PTPRG: variants seen among roughly 807,000 people sequenced by gnomAD.
The protein encoded by PTPRG is protein tyrosine phosphatase receptor type G.
PTPRG carries 102 observed loss-of-function variants against 165.3 expected under a neutral mutation model. That is an observed-to-expected ratio of 0.62 (90% CI 0.53 to 0.73). The LOEUF (loss-of-function observed/expected upper bound fraction) is 0.73. PTPRG is among the 30% of genes least tolerant of loss of function. PTPRG has a pLI of 0.00. For synonymous variants in PTPRG, 675 were observed against 669.5 expected (o/e 1.01, Z -0.13); for missense variants, 1,866 against 1,861.4 (o/e 1.00, Z -0.05).
At chr3:61,928,071 T>C (rs1326929922) in intron 2 of PTPRG, among the ~76,000 whole-genome samples, 1 of 152,176 alleles carries the variant, frequency 6.6e-6, no homozygotes, top group Non-Finnish European at 1.5e-5. Context: ...AGCCTGATGA[T>C]GGATTATGCA....
At chr3:62,114,621 C>T (rs1345058740) in intron 5 of PTPRG, among the ~76,000 whole-genome samples, 1 of 152,196 alleles carries the variant, frequency 6.6e-6, no homozygotes, top group Non-Finnish European at 1.5e-5. Flanking sequence ...AACCTCTAAA[C>T]ATACCAAGAT....
In PTPRG at chr3:62,016,356, C is replaced by A. The variant is rs143727615; in HGVS notation, c.519+12859C>A. Among the ~76,000 whole-genome samples the A allele has an allele frequency of 7.8e-4, 118 of 152,076 alleles. No homozygotes were observed. The East Asian group carries it at 0.017, about 22-fold the overall frequency. ...GAATTTTTTGTATTTTTAGTAGAGA[C>A]GGAGTTTCACTATGTTGGCCAGGCT... On this transcript the variant is annotated intron_variant, in intron 4 of 29. Coordinates refer to ENST00000474889, the MANE Select transcript of PTPRG (RefSeq NM_002841.4).
At chr3:61,730,176 GT>G (rs1559578757) in intron 1 of PTPRG, among the ~76,000 whole-genome samples, 1 of 152,214 alleles carries the variant, frequency 6.6e-6, no homozygotes, top group Non-Finnish European at 1.5e-5. Flanking sequence ...TACCGTCTGT[GT>G]TGGCAGAACC....
rs72887810 is a variant in PTPRG, at chr3:62,003,530, G to C, written c.519+33G>C. 7.6e-5 allele frequency: 122 copies of C among 1,610,800 alleles called. 1 individual carries two copies. The African/African-American group carries it at 1.6e-3, about 21-fold the overall frequency. On this transcript the variant is annotated intron_variant, in intron 4 of 29. Transcript: ENST00000474889. ...AAAGTCAAGATCTCAACGTGTAGCT[G>C]TGCTTCGGTCTTTATGTTAATCAGA... is the stretch of plus-strand genomic sequence containing the variant.
chr3:62,019,749 G>A (rs531477253), intron 4 of PTPRG, among the ~76,000 whole-genome samples: 2 of 152,162 alleles, frequency 1.3e-5, no homozygotes, highest in South Asian at 4.2e-4. Flanking sequence ...AATGTTGTAT[G>A]CCATGAATGT....
chr3:61,728,983 G>A (rs1207715640), intron 1 of PTPRG, among the ~76,000 whole-genome samples: 1 of 151,986 alleles, frequency 6.6e-6, no homozygotes, highest in Non-Finnish European at 1.5e-5. Context: ...GATCGCTTGA[G>A]TTTGGGAGGT....
At chr3:61,931,022 C>T (rs954544138) in intron 2 of PTPRG, among the ~76,000 whole-genome samples, 1 of 152,322 alleles carries the variant, frequency 6.6e-6, no homozygotes, top group South Asian at 2.1e-4. Flanking sequence ...GATCACGCCA[C>T]TGCAGTCCAG....
At chr3:61,776,658 A>C (rs1351674465) in intron 2 of PTPRG, among the ~76,000 whole-genome samples, 1 of 150,660 alleles carries the variant, frequency 6.6e-6, no homozygotes, top group Non-Finnish European at 1.5e-5. Context: ...TGGGTTCTTA[A>C]TGCTCTCTGC....
intron 3 of PTPRG, among the ~76,000 whole-genome samples, chr3:62,000,005 C>T (rs973908315): frequency 7.9e-5 from 12 of 151,922 alleles, no homozygotes; most frequent in African/African-American, 2.7e-4. Context: ...CTTAAGATCT[C>T]CCCCCCAGGC....
intron 5 of PTPRG, among the ~76,000 whole-genome samples, chr3:62,128,642 C>G (rs755987508): frequency 1.3e-5 from 2 of 150,320 alleles, no homozygotes; most frequent in Non-Finnish European, 1.5e-5. Flanking sequence ...AGACTGTATC[C>G]CCATTTCACA....
At chr3:61,635,558 A>G (rs1299902477) in intron 1 of PTPRG, among the ~76,000 whole-genome samples, 1 of 151,850 alleles carries the variant, frequency 6.6e-6, no homozygotes, top group South Asian at 2.1e-4. Context: ...GGGTTTCACC[A>G]TGTTACCTAG....
In PTPRG at chr3:62,262,902, A is replaced by C; in HGVS notation, c.2656+8A>C. 6.3e-7 allele frequency: 1 copy of C among 1,597,866 alleles called. No individual in the cohort carries two copies. The highest frequency in any genetic ancestry group is 1.1e-5 in the South Asian group (1 of 90,642). ...ACATCAACATTTTAGCATGTGAGTA[A>C]TAAGCTTTAAACTACCTTCAACTGC... is the stretch of plus-strand genomic sequence containing the variant. On this transcript the variant is annotated splice_region_variant and intron_variant, in intron 17 of 29. Transcript: ENST00000474889.
chr3:62,139,504 A>G (rs963231809), intron 6 of PTPRG, among the ~76,000 whole-genome samples: 4 of 152,170 alleles, frequency 2.6e-5, no homozygotes, highest in Admixed American at 6.5e-5. Flanking sequence ...TGCCACAGAC[A>G]TAATGAAATC....
intron 4 of PTPRG, 141 bp from the exon 5 acceptor site, chr3:62,078,022 C>T (rs1282731578): frequency 9.5e-6 from 5 of 526,200 alleles, no homozygotes; most frequent in African/African-American, 2.1e-5. Flanking sequence ...AAAAAGTTAG[C>T]AAAGGAAAAA....
intron 1 of PTPRG, among the ~76,000 whole-genome samples, chr3:61,566,391 C>T (rs1033023263): frequency 6.6e-6 from 1 of 152,264 alleles, no homozygotes; most frequent in African/African-American, 2.4e-5. Context: ...ATCAGTTATA[C>T]ACCTGTGTGC....
chr3:61,861,844 A>G (rs1234169190), intron 2 of PTPRG, among the ~76,000 whole-genome samples: 3 of 152,210 alleles, frequency 2.0e-5, no homozygotes, highest in Non-Finnish European at 4.4e-5. Flanking sequence ...ATTTTCTGCC[A>G]TGCATCCCAA....
At chr3:61,564,641 A>G (rs1220402694) in intron 1 of PTPRG, among the ~76,000 whole-genome samples, 1 of 152,182 alleles carries the variant, frequency 6.6e-6, no homozygotes, top group Non-Finnish European at 1.5e-5. Context: ...CTTTGGAGCA[A>G]GGTAAAGTTA....
rs74733607 is a variant in PTPRG, at chr3:61,823,126, C to G, written c.190+74144C>G. Among the ~76,000 whole-genome samples the G allele has an allele frequency of 6.5e-3, 996 of 152,302 alleles. 20 individuals are homozygous for G. Among genetic ancestry groups the G allele is most frequent in the African/African-American group, 0.023 (940 of 41,562 alleles). ...TCCCATCATGCGTAGTTTGCATTTGCAAGTTCGGTTACTTTGGGAGATTGA... is the reference window on the plus strand; with the variant it reads ...TCCCATCATGCGTAGTTTGCATTTGGAAGTTCGGTTACTTTGGGAGATTGA... On this transcript the variant is annotated intron_variant, in intron 2 of 29. Coordinates refer to ENST00000474889, the MANE Select transcript of PTPRG (RefSeq NM_002841.4).
intron 4 of PTPRG, among the ~76,000 whole-genome samples, chr3:62,062,416 CA>C (rs1328736705): frequency 6.6e-6 from 1 of 152,016 alleles, no homozygotes; most frequent in African/African-American, 2.4e-5. Context: ...GTGTTCACAG[CA>C]AAATTCTTTC....
Sources: allele counts gnomAD v4.1 joint callset (sites outside exome capture counted in the v4.1 genomes callset), GRCh38; gene constraint gnomAD v4.1.1; transcripts MANE v1.5; gene names NCBI Gene and HGNC (gene_info 2026-07-23, HGNC 2026-07-21).